The following TPO variants were observed in gnomAD, a reference collection of about 807,000 sequenced individuals.
TPO encodes the protein thyroid peroxidase.
In TPO, 78 loss-of-function variants were observed where a neutral mutation model predicts 96.9. That is an observed-to-expected ratio of 0.81 (90% CI 0.67 to 0.97). TPO has a LOEUF of 0.97. Among genes scored for constraint, TPO ranks in the 50% least tolerant of loss-of-function variants. TPO has a pLI of 0.00. For synonymous variants in TPO, 547 were observed against 538.0 expected (o/e 1.02, Z -0.23); for missense variants, 1,252 against 1,274.8 (o/e 0.98, Z 0.27).
At chr2:1,471,062 T>C (rs915000424) in intron 7 of TPO, among the ~76,000 whole-genome samples, 3 of 152,254 alleles carry the variant, frequency 2.0e-5, no homozygotes, top group Non-Finnish European at 2.9e-5. Context: ...TCTTTTCCGA[T>C]GCTGCACCTA....
intron 8 of TPO, chr2:1,478,261 TG>T (rs1224787308): frequency 1.0e-6 from 1 of 985,310 alleles, no homozygotes; most frequent in African/African-American, 1.7e-5. Flanking sequence ...CACCTGGAAA[TG>T]CGGTCCCTGA....
rs563839732 is a variant in TPO at position 1,438,913 on chromosome 2, C to T, written c.482+2529C>T. ...CAGACCAAATAATGCGAAACTGAAG[C>T]CAGTCAAAGCTTTTCTCCAATGACG... On this transcript the variant is annotated intron_variant, in intron 5 of 16. Coordinates refer to ENST00000329066, the MANE Select transcript of TPO (RefSeq NM_001206744.2). The T allele has an allele frequency of 7.6e-5, 54 of 709,116 alleles. No homozygotes were observed. The African/African-American group carries it at 8.3e-4, about 11-fold the overall frequency. 43.9% of individuals were successfully genotyped at this position (709,116 alleles called of 1,614,324 possible).
At chr2:1,516,058 C>T (rs1674670116) in intron 14 of TPO, among the ~76,000 whole-genome samples, 1 of 152,220 alleles carries the variant, frequency 6.6e-6, no homozygotes, top group African/African-American at 2.4e-5. Context: ...CGCAGTGGCC[C>T]CAGGCTGGCA....
At chr2:1,530,920 C>CTGTGCGACCTCCCCAAATCCCCCCACTA (rs1558423656) in intron 15 of TPO, among the ~76,000 whole-genome samples, 23 of 67,160 alleles carry the variant, frequency 3.4e-4, no homozygotes, top group African/African-American at 1.4e-3. Context: ...CCCCCCCACT[C>CTGTGCGACCTCCCCAAATCCCCCCACTA]TGTGCGACCT....
chr2:1,403,255 TGA>T (rs1662198204), intron 1 of TPO, among the ~76,000 whole-genome samples: 1 of 152,248 alleles, frequency 6.6e-6, no homozygotes, highest in South Asian at 2.1e-4. Flanking sequence ...CAAGGCAATG[TGA>T]GAGCCAGCGG....
chr2:1,389,893 C>T (rs757630216), intron 1 of TPO, among the ~76,000 whole-genome samples: 1 of 152,134 alleles, frequency 6.6e-6, no homozygotes, highest in African/African-American at 2.4e-5. Context: ...GATCAAATTG[C>T]TATTTGTCTT....
chr2:1,491,167 CA>C lies in TPO; in HGVS notation c.1769-2625del, dbSNP rs201015140. On this transcript the variant is annotated intron_variant, in intron 10 of 16. Transcript: ENST00000329066. ...CCTGGGTGACAGAGCGAGACTCAGT[CA>C]AAAAAAAAACCAAAAAAACACTTTT... Among the ~76,000 whole-genome samples, 219 of 146,820 alleles carry C rather than the reference CA, an allele frequency of 1.5e-3. 1 individual carries two copies. The highest frequency in any genetic ancestry group is 5.2e-3 in the African/African-American group (207 of 40,044).
rs868696141 is a variant in TPO at position 1,491,979 on chromosome 2, G to A, written c.1769-1823G>A. Among the ~76,000 whole-genome samples the A allele has an allele frequency of 1.2e-4, 18 of 152,276 alleles. 2 individuals are homozygous for A. The South Asian group carries it at 3.1e-3, about 26-fold the overall frequency. ...CGCAGCTTCTCACGGGGGCTCGGGG[G>A]AACCCTTGCCAGATGTGGAAGCACC... On this transcript the variant is annotated intron_variant, in intron 10 of 16. Transcript: ENST00000329066.
chr2:1,522,698 C>A (rs1040775971), intron 15 of TPO, among the ~76,000 whole-genome samples: 1 of 152,096 alleles, frequency 6.6e-6, no homozygotes, highest in Non-Finnish European at 1.5e-5. Flanking sequence ...AAGGCTACAC[C>A]CAAACACCAC....
intron 8 of TPO, among the ~76,000 whole-genome samples, chr2:1,480,559 TACACACACACACACACACACACACAC>T (rs3036105): frequency 2.0e-4 from 9 of 44,344 alleles, no homozygotes; most frequent in Admixed American, 1.8e-3. Context: ...TCAAACCCCC[TACACACACACACACACACACACACAC>T]ACACACACAC....
chr2:1,382,130 C>G (rs1003480268), intron 1 of TPO, among the ~76,000 whole-genome samples: 1 of 152,076 alleles, frequency 6.6e-6, no homozygotes, highest in Admixed American at 6.6e-5. Flanking sequence ...ACTGCACAGC[C>G]CACCCTCAGA....
chr2:1,538,963 G>A (rs1486747721), intron 15 of TPO, among the ~76,000 whole-genome samples: 1 of 152,016 alleles, frequency 6.6e-6, no homozygotes, highest in African/African-American at 2.4e-5. Flanking sequence ...GTCTTTACCC[G>A]GCCTTCTCCC....
intron 9 of TPO, among the ~76,000 whole-genome samples, chr2:1,485,692 C>T (rs1030064529): frequency 6.6e-6 from 1 of 151,904 alleles, no homozygotes; most frequent in Non-Finnish European, 1.5e-5. Context: ...CTGTTGGCTG[C>T]ATAAATGTCT....
intron 15 of TPO, among the ~76,000 whole-genome samples, chr2:1,532,881 C>T (rs1428553386): frequency 1.1e-5 from 1 of 94,766 alleles, no homozygotes; most frequent in Non-Finnish European, 2.0e-5. Flanking sequence ...CAAATACCCC[C>T]AGTTTGCAAC....
chr2:1,537,058 A>T (rs57642136), intron 15 of TPO, among the ~76,000 whole-genome samples: 1 of 100,724 alleles, frequency 9.9e-6, no homozygotes, highest in Non-Finnish European at 2.0e-5. Context: ...ACCTCCCCAA[A>T]TCCCTGCCAC....
chr2:1,450,588 G>T (rs1667219710), intron 5 of TPO, among the ~76,000 whole-genome samples: 3 of 152,162 alleles, frequency 2.0e-5, no homozygotes. Flanking sequence ...TTTCCAACAG[G>T]AGCTGATCAA....
intron 7 of TPO, among the ~76,000 whole-genome samples, chr2:1,469,842 C>T (rs181144108): frequency 1.2e-3 from 188 of 152,264 alleles, no homozygotes; most frequent in African/African-American, 4.2e-3. Flanking sequence ...AGGAGCCATC[C>T]GCTTTCTTCA....
At chr2:1,389,020 T>C (rs1346308301) in intron 1 of TPO, among the ~76,000 whole-genome samples, 2 of 152,236 alleles carry the variant, frequency 1.3e-5, no homozygotes, top group African/African-American at 4.8e-5. Context: ...AGAAGTTTTT[T>C]TGTGTTTTAT....
At chr2:1,484,463 A>T in intron 8 of TPO, 133 bp from the exon 9 acceptor site, 1 of 1,139,706 alleles carries the variant, frequency 8.8e-7, no homozygotes, top group Non-Finnish European at 1.3e-6. Context: ...AGTTCAGCTG[A>T]GGCCCTTATT....
Sources: allele counts gnomAD v4.1 joint callset (sites outside exome capture counted in the v4.1 genomes callset), GRCh38; gene constraint gnomAD v4.1.1; transcripts MANE v1.5; gene names NCBI Gene and HGNC (gene_info 2026-07-23, HGNC 2026-07-21).